PDGFRB: variants seen among roughly 807,000 people sequenced by gnomAD.
PDGFRB encodes the protein platelet derived growth factor receptor beta.
Under a neutral mutation model 120.2 loss-of-function variants are expected in PDGFRB, and 42 were observed. That is an observed-to-expected ratio of 0.35 (90% CI 0.27 to 0.45). The LOEUF (loss-of-function observed/expected upper bound fraction) is 0.45. Ranked by LOEUF, PDGFRB falls within the 20% of genes least tolerant of loss-of-function variation. The pLI is 1.00. For synonymous variants in PDGFRB, 586 were observed against 606.8 expected (o/e 0.97, Z 0.50); for missense variants, 1,149 against 1,476.3 (o/e 0.78, Z 3.63).
Position 150,125,743 on chromosome 5 carries a change from G to A in PDGFRB, c.1675-166C>T, listed in dbSNP as rs10072056. Among the ~76,000 whole-genome samples, 42,160 of 152,090 alleles carry A rather than the reference G, an allele frequency of 0.28. 5,947 individuals carry two copies. The highest frequency in any genetic ancestry group is 0.36 in the Middle Eastern group (106 of 294). On this transcript the variant is annotated intron_variant, in intron 11 of 22. Coordinates refer to ENST00000261799, the MANE Select transcript of PDGFRB (RefSeq NM_002609.4). ...AGTGCTCAACTGAGCCAAGGTCTTCGTGGGCTCGGAGGGAACAGGGACCAA... is the reference window on the plus strand; with the variant it reads ...AGTGCTCAACTGAGCCAAGGTCTTCATGGGCTCGGAGGGAACAGGGACCAA...
intron 2 of PDGFRB, 31 bp downstream of exon 2, chr5:150,136,977 G>A (rs756958211): frequency 7.3e-5 from 117 of 1,593,320 alleles, no homozygotes; most frequent in East Asian, 3.4e-4. Context: ...GCAGCCCCCC[G>A]GGTCCCCTAC....
rs2229561 is a variant in PDGFRB at position 150,115,724 on chromosome 5, G to C, written c.*39C>G. The C allele has an allele frequency of 0.13, 198,903 of 1,522,516 alleles. 14,113 individuals carry two copies. The highest frequency in any genetic ancestry group is 0.17 in the Middle Eastern group (704 of 4,096). The allele number at this position is 1,522,516 out of a possible 1,614,324, so 94.3% of individuals were successfully genotyped here. On this transcript the variant is annotated 3_prime_UTR_variant, in exon 23 of 23. Coordinates refer to ENST00000261799, the MANE Select transcript of PDGFRB (RefSeq NM_002609.4). ...GCCAGGAGATGCTGGGTGCTGGCAG[G>C]GGGGGAGCTTCAGGCAGGGCAGGGT...
intron 21 of PDGFRB, among the ~76,000 whole-genome samples, chr5:150,118,261 A>G (rs1760026140): frequency 6.6e-6 from 1 of 152,072 alleles, no homozygotes. Flanking sequence ...GGACCCAAAG[A>G]AGGAGCTGCC....
Position 150,122,008 on chromosome 5 carries a change from C to A in PDGFRB, c.2216G>T (p.Gly739Val), listed in dbSNP as rs1760152858. 6.2e-7 allele frequency: 1 copy of A among 1,613,764 alleles called. No individual in the cohort carries two copies. The highest frequency in any genetic ancestry group is 1.7e-5 in the Admixed American group (1 of 60,020). Residue 739 changes from glycine to valine, a missense_variant, in exon 16 of 23, where the codon GGC becomes GTC. Physicochemically the swap from Gly to Val is moderately radical, Grantham distance 109 (BLOSUM62 -3). This residue lies in a region of PDGFRB where 879 missense variants were observed against 1,108.6 expected (regional missense o/e 0.79). Coordinates refer to ENST00000261799, the MANE Select transcript of PDGFRB (RefSeq NM_002609.4). ...HVSLTGESDG[G>V]YMDMSKDESV... is the part of the protein sequence containing the mutation. ...CTCGTCCTTGCTCATGTCCATGTAG[C>A]CACCGTCGCTCTCCCCGGTCAAGGA...
chr5:150,147,271 C>A (rs1031618470), intron 1 of PDGFRB, among the ~76,000 whole-genome samples: 1 of 152,210 alleles, frequency 6.6e-6, no homozygotes, highest in Admixed American at 6.5e-5. Flanking sequence ...CCCCACCCCC[C>A]AGAGCCTCAT....
intron 21 of PDGFRB, 31 bp downstream of exon 21, chr5:150,118,716 C>A (rs764048707): frequency 2.2e-6 from 3 of 1,343,834 alleles, no homozygotes; most frequent in Non-Finnish European, 3.2e-6. Flanking sequence ...CAGAGCTCTC[C>A]GTGCTCCACC....
intron 1 of PDGFRB, among the ~76,000 whole-genome samples, chr5:150,141,773 C>T (rs1014754137): frequency 1.3e-5 from 2 of 151,982 alleles, no homozygotes; most frequent in Non-Finnish European, 1.5e-5. Flanking sequence ...TGTGTGTACA[C>T]GCGCACGTGC....
In PDGFRB at chr5:150,117,773, C is replaced by T. The variant is rs1760007007; in HGVS notation, c.2982G>A (p.Gly994=). 6.2e-7 allele frequency: 1 copy of T among 1,613,802 alleles called. No individual in the cohort carries two copies. The highest frequency in any genetic ancestry group is 8.5e-7 in the Non-Finnish European group (1 of 1,179,782). ...AILRSQARLP[G]FHGLRSPLDT... ...CCAGGGGAGATCGGAGGCCATGGAA[C>T]CCAGGCAAGCGGGCCTGGGACCGAA... Residue 994 remains glycine, a synonymous_variant, in exon 22 of 23, where the codon GGG becomes GGA. Coordinates refer to ENST00000261799, the MANE Select transcript of PDGFRB (RefSeq NM_002609.4).
intron 1 of PDGFRB, among the ~76,000 whole-genome samples, chr5:150,151,263 C>T (rs551393732): frequency 6.6e-5 from 10 of 152,282 alleles, no homozygotes; most frequent in African/African-American, 2.4e-4. Context: ...AAAGATTTAC[C>T]ATCATCTGGG....
intron 1 of PDGFRB, among the ~76,000 whole-genome samples, chr5:150,148,815 G>A: frequency 6.6e-6 from 1 of 152,248 alleles, no homozygotes; most frequent in East Asian, 1.9e-4. Flanking sequence ...CCTGAGGGAG[G>A]TGGCCTTGAG....
chr5:150,152,017 A>G (rs1258139441), intron 1 of PDGFRB, among the ~76,000 whole-genome samples: 1 of 151,886 alleles, frequency 6.6e-6, no homozygotes, highest in East Asian at 1.9e-4. Context: ...AAGCAATTCT[A>G]GTGCCTCAGC....
In PDGFRB at chr5:150,133,900, C is replaced by G; in HGVS notation, c.740G>C (p.Trp247Ser). The G allele has an allele frequency of 6.2e-7, 1 of 1,614,114 alleles. No individual in the cohort carries two copies. Among genetic ancestry groups the G allele is most frequent in the African/African-American group, 1.3e-5 (1 of 75,030 alleles). ...CATTACTTCTTTGCGGGGGTATGTC[C>G]ACTCGAAGTTGACCACCTCATTCCC... ...VIGNEVVNFE[W>S]TYPRKESGRL... is the part of the protein sequence containing the mutation. The change falls in exon 5 of 23, where the codon TGG (tryptophan) becomes TCG (serine). Residue 247 changes from tryptophan (W) to serine (S), a missense_variant. By Grantham distance (177) the Trp-to-Ser change is radical (BLOSUM62 -3). This residue lies in a region of PDGFRB where 879 missense variants were observed against 1,108.6 expected (regional missense o/e 0.79). Transcript: ENST00000261799.
chr5:150,117,636 C>G lies in PDGFRB; in HGVS notation c.3119G>C (p.Gly1040Ala), dbSNP rs149417689. 2.5e-6 allele frequency: 4 copies of G among 1,610,246 alleles called. No homozygotes were observed. Among genetic ancestry groups the G allele is most frequent in the East Asian group, 2.2e-5 (1 of 44,818 alleles). ...PEVADEGPLE[G>A]SPSLASSTLN... ...TGGTTACCTGGCTAGGCTGGGGGAA[C>G]CCTCCAGTGGGCCCTCGTCAGCAAC... is the stretch of plus-strand genomic sequence containing the variant. The change falls in exon 22 of 23, where the codon GGT (glycine) becomes GCT (alanine). Residue 1040 changes from glycine (G) to alanine (A), a missense_variant. This residue lies in a region of PDGFRB where 202 missense variants were observed against 214.3 expected (regional missense o/e 0.94). Coordinates refer to ENST00000261799, the MANE Select transcript of PDGFRB (RefSeq NM_002609.4).
At chr5:150,141,774 G>A (rs962057330) in intron 1 of PDGFRB, among the ~76,000 whole-genome samples, 6 of 151,632 alleles carry the variant, frequency 4.0e-5, no homozygotes, top group African/African-American at 1.2e-4. Context: ...GTGTGTACAC[G>A]CGCACGTGCT....
intron 20 of PDGFRB, 50 bp downstream of exon 20, chr5:150,119,417 T>G: frequency 9.9e-7 from 1 of 1,011,174 alleles, no homozygotes; most frequent in Non-Finnish European, 1.6e-6. Context: ...GAGTTGGATA[T>G]CTATTGTTTG....
At chr5:150,140,926 C>T (rs1760766942) in intron 1 of PDGFRB, among the ~76,000 whole-genome samples, 1 of 152,196 alleles carries the variant, frequency 6.6e-6, no homozygotes, top group Non-Finnish European at 1.5e-5. Context: ...TTGGCCACAT[C>T]CGCCAGCAAC....
Position 150,135,576 on chromosome 5 carries a change from G to A in PDGFRB, c.343C>T (p.Arg115Trp), listed in dbSNP as rs776224834. 21 of 1,609,938 alleles carry A rather than the reference G, an allele frequency of 1.3e-5. No homozygotes were observed. In the East Asian group the frequency reaches 1.3e-4, roughly 10 times the overall value. Residue 115 changes from arginine (R) to tryptophan (W), a missense_variant, in exon 3 of 23, where the codon CGG becomes TGG. This residue lies in a region of PDGFRB where 879 missense variants were observed against 1,108.6 expected (regional missense o/e 0.79). Coordinates refer to ENST00000261799, the MANE Select transcript of PDGFRB (RefSeq NM_002609.4). Reference sequence around the variant, plus strand: ...TTACCTGGCACAAAGATGTAGAGCCGTTTCCGCTCATCGGTCTCCAGTCCA... The same window carrying A: ...TTACCTGGCACAAAGATGTAGAGCCATTTCCGCTCATCGGTCTCCAGTCCA... Reference protein sequence around the residue: ...SRGLETDERKRLYIFVPDPTV... With the variant: ...SRGLETDERKWLYIFVPDPTV...
chr5:150,139,631 G>A (rs1405139600), intron 1 of PDGFRB, among the ~76,000 whole-genome samples: 7 of 152,090 alleles, frequency 4.6e-5, no homozygotes, highest in South Asian at 4.1e-4. Flanking sequence ...CTTGCTGTGC[G>A]GGCTTTGACA....
chr5:150,144,337 C>A (rs1023535890), intron 1 of PDGFRB, among the ~76,000 whole-genome samples: 3 of 152,182 alleles, frequency 2.0e-5, no homozygotes, highest in Non-Finnish European at 2.9e-5. Context: ...TCTTCCGGCC[C>A]GGCCCTGACA....
Sources: allele counts gnomAD v4.1 joint callset (sites outside exome capture counted in the v4.1 genomes callset), GRCh38; gene constraint gnomAD v4.1.1; regional missense constraint gnomAD v4.1.1; transcripts MANE v1.5; gene names NCBI Gene and HGNC (gene_info 2026-07-23, HGNC 2026-07-21).